The following MCFD2 variants were observed in gnomAD, a reference collection of about 807,000 sequenced individuals.
The protein encoded by MCFD2 is multiple coagulation factor deficiency 2, ER cargo receptor complex subunit.
In MCFD2, 11 loss-of-function variants were observed where a neutral mutation model predicts 12.8. The observed-to-expected ratio is 0.86, with a 90% CI of 0.54 to 1.42. The LOEUF (loss-of-function observed/expected upper bound fraction) is 1.42, where lower values mean the gene tolerates loss of function less well. Among genes scored for constraint, MCFD2 ranks in the 40% most tolerant of loss-of-function variants. The pLI, the probability that MCFD2 is intolerant of heterozygous loss-of-function variation, is 0.00. For missense variants in MCFD2, 191 were observed against 178.6 expected (o/e 1.07, Z -0.40); for synonymous variants, 70 against 68.1 (o/e 1.03, Z -0.14).
intron 1 of MCFD2, among the ~76,000 whole-genome samples, chr2:46,922,649 G>T (rs1299323076): frequency 2.6e-5 from 4 of 152,062 alleles, no homozygotes; most frequent in African/African-American, 7.2e-5. Flanking sequence ...CCCTGAAGGT[G>T]TGAGAGGTAG....
chr2:46,930,730 C>T (rs950237326), intron 1 of MCFD2, among the ~76,000 whole-genome samples: 8 of 152,010 alleles, frequency 5.3e-5, no homozygotes, highest in Admixed American at 2.0e-4. Flanking sequence ...GAACTCCTGA[C>T]CTCAGGTGAT....
At chr2:46,914,895 CAAAT>C (rs1317875867) in intron 1 of MCFD2, among the ~76,000 whole-genome samples, 1 of 152,132 alleles carries the variant, frequency 6.6e-6, no homozygotes, top group Non-Finnish European at 1.5e-5. Context: ...ACAGTCGAGA[CAAAT>C]GAATCTAAAG....
chr2:46,929,391 G>A (rs368291976), intron 1 of MCFD2, among the ~76,000 whole-genome samples: 1 of 152,126 alleles, frequency 6.6e-6, no homozygotes. Flanking sequence ...GGAGGCTGAG[G>A]CAGGATTGCT....
rs572113941 is a variant in MCFD2, at chr2:46,929,441, G to A, written c.-8+12131C>T. 9.2e-5 allele frequency among the ~76,000 whole-genome samples: 14 copies of A among 152,004 alleles called. No individual in the cohort carries two copies. In the South Asian group the frequency reaches 1.0e-3, roughly 11 times the overall value. The stretch of plus-strand genomic sequence containing the variant: ...TGGGGCTGCAGTGAGCTATGATAGC[G>A]CAACTACACTCCAGCCTGGGCAACA... On this transcript the variant is annotated intron_variant, in intron 1 of 2. Coordinates refer to the MCFD2 transcript ENST00000409147.
upstream of MCFD2, chr2:46,916,542 C>T (rs1019174242): frequency 2.0e-5 from 3 of 152,946 alleles, no homozygotes; most frequent in African/African-American, 7.2e-5. Flanking sequence ...ATAATCCTGC[C>T]CTTACACCTG....
At chr2:46,914,612 C>T (rs1668624531) in intron 1 of MCFD2, among the ~76,000 whole-genome samples, 1 of 152,172 alleles carries the variant, frequency 6.6e-6, no homozygotes, top group South Asian at 2.1e-4. Flanking sequence ...GTACTAACAG[C>T]ACAAGGTACT....
chr2:46,923,402 C>T (rs1669208352), intron 1 of MCFD2, among the ~76,000 whole-genome samples: 1 of 152,192 alleles, frequency 6.6e-6, no homozygotes. Flanking sequence ...CATTAGCTTA[C>T]AAGAAGACAT....
rs572530197 is a variant in MCFD2 at position 46,941,839 on chromosome 2, G to A, written c.-275C>T. The A allele has an allele frequency of 2.3e-4, 312 of 1,372,178 alleles. 2 individuals are homozygous for A. In the South Asian group the frequency reaches 3.8e-3, roughly 17 times the overall value. The allele number at this position is 1,372,178 out of a possible 1,614,324, so 85.0% of individuals were successfully genotyped here. Reference sequence around the variant, plus strand: ...GACAGCGGGCGCCTGCCAGCCCACCGTGCTAGTCTTAAGAGCAGCCAGGGC... The same window carrying A: ...GACAGCGGGCGCCTGCCAGCCCACCATGCTAGTCTTAAGAGCAGCCAGGGC... On this transcript the variant is annotated 5_prime_UTR_variant, in exon 1 of 3. Transcript: ENST00000409147. This position sits in a 1 kb window ranked among gnomAD's most constrained non-coding sequence, Gnocchi z 4.2.
Position 46,915,768 on chromosome 2 carries a change from C to T in MCFD2, c.-52G>A. The T allele has an allele frequency of 5.1e-6, 5 of 977,264 alleles. No homozygotes were observed. The highest frequency in any genetic ancestry group is 6.1e-6 in the Non-Finnish European group (5 of 822,808). 60.5% of individuals were successfully genotyped at this position (977,264 alleles called of 1,614,324 possible). On this transcript the variant is annotated 5_prime_UTR_variant, in exon 1 of 4. Coordinates refer to ENST00000319466, the MANE Select transcript of MCFD2 (RefSeq NM_139279.6). ...ACGCGAAGCCCTCCAACGTGAGCCT[C>T]ACCAGCCCCCGTCCCCAAAACGCTC... is the stretch of plus-strand genomic sequence containing the variant.
chr2:46,905,329 G>T lies in MCFD2; in HGVS notation c.*134C>A. On this transcript the variant is annotated 3_prime_UTR_variant, in exon 4 of 4. Transcript: ENST00000319466. ...TTCTCTTATCTCTTCTCACCCCAGT[G>T]TAACGAATCGCTACAGGTTTTTACC... 1.1e-6 allele frequency: 1 copy of T among 919,074 alleles called. No homozygotes were observed. The highest frequency in any genetic ancestry group is 1.8e-6 in the Non-Finnish European group (1 of 558,956). 56.9% of individuals were successfully genotyped at this position (919,074 alleles called of 1,614,324 possible). A position where few individuals can be genotyped will look rare whatever the true frequency, so the allele number is the denominator to read the frequency against.
Position 46,941,831 on chromosome 2 carries a change from AG to A in MCFD2, c.-268del. ...CCTCGGCCGACAGCGGGCGCCTGCCAGCCCACCGTGCTAGTCTTAAGAGCAG... is the reference window on the plus strand; with the variant it reads ...CCTCGGCCGACAGCGGGCGCCTGCCACCCACCGTGCTAGTCTTAAGAGCAG... On this transcript the variant is annotated 5_prime_UTR_variant, in exon 1 of 3. Coordinates refer to the MCFD2 transcript ENST00000409147. The surrounding 1 kb of genome is among the most constrained non-coding windows in gnomAD (Gnocchi z 4.2). 5 of 1,422,660 alleles carry A rather than the reference AG, an allele frequency of 3.5e-6. No individual in the cohort carries two copies. In the East Asian group the frequency reaches 7.5e-5, roughly 21 times the overall value. The allele number at this position is 1,422,660 out of a possible 1,614,324, so 88.1% of individuals were successfully genotyped here.
At chr2:46,921,253 C>T (rs1465784018) in intron 1 of MCFD2, among the ~76,000 whole-genome samples, 1 of 152,156 alleles carries the variant, frequency 6.6e-6, no homozygotes, top group African/African-American at 2.4e-5. Flanking sequence ...ATAATATGAT[C>T]ATGCACATAG....
Position 46,940,984 on chromosome 2 carries a change from G to A in MCFD2, c.-8+588C>T, listed in dbSNP as rs1670282447. Among the ~76,000 whole-genome samples the A allele has an allele frequency of 6.6e-6, 1 of 152,122 alleles. No homozygotes were observed. The highest frequency in any genetic ancestry group is 2.4e-5 in the African/African-American group (1 of 41,458). ...GGGATGGGGAGGGGGCGGGAAGCGA[G>A]GCGCCCCCGGGCGCCGGGGCTCCGC... On this transcript the variant is annotated intron_variant, in intron 1 of 2. Transcript: ENST00000409147. The surrounding 1 kb of genome is among the most constrained non-coding windows in gnomAD (Gnocchi z 4.7).
chr2:46,934,820 G>A (rs1235103861), intron 1 of MCFD2, among the ~76,000 whole-genome samples: 2 of 45,024 alleles, frequency 4.4e-5, no homozygotes, highest in Non-Finnish European at 8.9e-5. Context: ...TTTTTTTTTT[G>A]AGACTGAGTC....
chr2:46,930,535 T>C (rs1427388249), intron 1 of MCFD2, among the ~76,000 whole-genome samples: 19 of 151,086 alleles, frequency 1.3e-4, no homozygotes, highest in Non-Finnish European at 2.9e-5. Flanking sequence ...GTCTCACTCT[T>C]GTACCCCAGG....
At chr2:46,923,113 T>C (rs6544940) in intron 1 of MCFD2, among the ~76,000 whole-genome samples, 104,555 of 152,206 alleles carry the variant, frequency 0.69, 37,122 homozygotes, top group African/African-American at 0.85. Flanking sequence ...CCTCCTGGCC[T>C]GTGGATGTCT....
Position 46,905,267 on chromosome 2 carries a change from A to C in MCFD2, c.*196T>G. 3 of 635,276 alleles carry C rather than the reference A, an allele frequency of 4.7e-6. No homozygotes were observed. In the South Asian group the frequency reaches 5.1e-5, roughly 11 times the overall value. The allele number at this position is 635,276 out of a possible 1,614,324, so 39.4% of individuals were successfully genotyped here. A position where few individuals can be genotyped will look rare whatever the true frequency, so the allele number is the denominator to read the frequency against. On this transcript the variant is annotated 3_prime_UTR_variant, in exon 4 of 4. Transcript: ENST00000319466. ...TCCAATAAGGTATTTAATAGCACTT[A>C]GGGACTATTAGATGTCCCATTTCTC...
intron 1 of MCFD2, among the ~76,000 whole-genome samples, chr2:46,931,973 A>G (rs76646803): frequency 6.6e-6 from 1 of 152,218 alleles, no homozygotes; most frequent in Non-Finnish European, 1.5e-5. Context: ...AAAGTATTTC[A>G]CCATATTAAT....
rs1275692541 is a variant in MCFD2 at position 46,902,992 on chromosome 2, T to G, written c.*2471A>C. 6.6e-6 allele frequency: 1 copy of G among 152,200 alleles called. No individual in the cohort carries two copies. The highest frequency in any genetic ancestry group is 2.4e-5 in the African/African-American group (1 of 41,442). The allele number at this position is 152,200 out of a possible 1,614,324, so 9.4% of individuals were successfully genotyped here. On this transcript the variant is annotated 3_prime_UTR_variant, in exon 4 of 4. Coordinates refer to ENST00000319466, the MANE Select transcript of MCFD2 (RefSeq NM_139279.6). The stretch of plus-strand genomic sequence containing the variant: ...CTCAGCTCCAATTATCTAATATTCT[T>G]GAAAGGATGCTGATATGGTTTGGTT...
Sources: gnomAD v4.1 joint callset for allele counts (sites outside exome capture counted in the v4.1 genomes callset) on GRCh38, gnomAD v4.1.1 for gene constraint, Gnocchi (gnomAD v3.1) non-coding constraint, MANE v1.5 for transcripts, NCBI Gene and HGNC (gene_info 2026-07-23, HGNC 2026-07-21) for gene names.